LGSN: variants seen among roughly 807,000 people sequenced by gnomAD.
The protein encoded by LGSN is lengsin.
Under a neutral mutation model 19.5 loss-of-function variants are expected in LGSN, and 21 were observed. That is an observed-to-expected ratio of 1.07 (90% CI 0.76 to 1.55). The LOEUF (loss-of-function observed/expected upper bound fraction) is 1.55. LGSN is among the 40% of genes most tolerant of loss of function. The pLI is 0.00. For synonymous variants in LGSN, 257 were observed against 215.6 expected, an observed-to-expected ratio of 1.19 and a Z score of -1.68; for missense variants, 673 against 608.5, an observed-to-expected ratio of 1.11 and a Z score of -1.12.
the LGSN span, among the ~76,000 whole-genome samples, chr6:63,445,257 G>A: frequency 1.3e-5 from 2 of 152,172 alleles, no homozygotes; most frequent in African/African-American, 4.8e-5. Flanking sequence ...GTTGCAATGA[G>A]CAGAGATCGC....
the LGSN span, among the ~76,000 whole-genome samples, chr6:63,453,709 A>G: frequency 6.6e-4 from 101 of 152,164 alleles, no homozygotes; most frequent in African/African-American, 2.3e-3. Flanking sequence ...GCTGGAGTGC[A>G]GTGGCGGGAT....
At chr6:63,483,520 C>A in the LGSN span, among the ~76,000 whole-genome samples, 1 of 152,008 alleles carries the variant, frequency 6.6e-6, no homozygotes, top group Non-Finnish European at 1.5e-5. Context: ...CATGCACCAC[C>A]ACGCCCGGCT....
At chr6:63,342,498 G>A in the LGSN span, among the ~76,000 whole-genome samples, 1 of 152,188 alleles carries the variant, frequency 6.6e-6, no homozygotes, top group African/African-American at 2.4e-5. Context: ...AACATAGCAA[G>A]TAGTACACAT....
At chr6:63,300,027 C>G (rs1283817820) in intron 1 of LGSN, among the ~76,000 whole-genome samples, 10 of 152,148 alleles carry the variant, frequency 6.6e-5, no homozygotes. Flanking sequence ...TGATTTTGAG[C>G]CTTTGAATTC....
In LGSN at chr6:63,294,972, A is replaced by T; in HGVS notation, c.104T>A (p.Val35Asp). Residue 35 changes from valine (V) to aspartate (D), a missense_variant, in exon 2 of 4, where the codon GTC becomes GAC. Physicochemically the swap from Val to Asp is radical, Grantham distance 152. Coordinates refer to ENST00000370657, the MANE Select transcript of LGSN (RefSeq NM_016571.3). ...AGTTGAACAAACATATGGTTTAGTG[A>T]CTTTCTTCCTTGTCCTTCTTAATGT... ...MNTLRRTRKKVTKPYVCSTEV... is the reference protein window; with the variant it reads ...MNTLRRTRKKDTKPYVCSTEV... 1 of 1,613,712 alleles carries T rather than the reference A, an allele frequency of 6.2e-7. No individual in the cohort carries two copies. Among genetic ancestry groups the T allele is most frequent in the South Asian group, 1.1e-5 (1 of 91,074 alleles).
chr6:63,368,102 G>T, the LGSN span, among the ~76,000 whole-genome samples: 1 of 147,732 alleles, frequency 6.8e-6, no homozygotes, highest in South Asian at 2.1e-4. Flanking sequence ...AAATAAAAAA[G>T]AAAAAAAGAA....
chr6:63,386,532 T>A, the LGSN span, among the ~76,000 whole-genome samples: 1 of 152,230 alleles, frequency 6.6e-6, no homozygotes, highest in African/African-American at 2.4e-5. Context: ...TTGCATCACT[T>A]TTCGTCAGGT....
At chr6:63,478,712 T>G in the LGSN span, among the ~76,000 whole-genome samples, 1 of 152,214 alleles carries the variant, frequency 6.6e-6, no homozygotes. Flanking sequence ...TTAAACTTAT[T>G]TCCTCAAAGA....
At position 63,280,609 on chromosome 6, in the gene LGSN, C is replaced by T. The variant is rs778188447; in HGVS notation, c.942G>A (p.Leu314=). The T allele has an allele frequency of 6.8e-6, 11 of 1,613,952 alleles. No individual in the cohort carries two copies. The African/African-American group carries it at 1.5e-4, about 22-fold the overall frequency. The part of the protein sequence containing the change: ...IETGFCDSGI[L]SHSLWDVDRK... ...TATCGACATCCCAGAGACTATGAGA[C>T]AAAATCCCTGAATCACAAAATCCAG... is the stretch of plus-strand genomic sequence containing the variant. The change falls in exon 4 of 4, where the codon TTG becomes TTA. Residue 314 remains leucine, a synonymous_variant. Transcript: ENST00000370657.
the LGSN span, among the ~76,000 whole-genome samples, chr6:63,343,626 T>G: frequency 6.6e-6 from 1 of 152,062 alleles, no homozygotes; most frequent in Admixed American, 6.6e-5. Flanking sequence ...TTTTGCAAAA[T>G]ATGAATGGTT....
the LGSN span, among the ~76,000 whole-genome samples, chr6:63,546,498 G>A: frequency 3.9e-4 from 59 of 152,294 alleles, no homozygotes; most frequent in African/African-American, 1.3e-3. Context: ...TTGAGGCAAG[G>A]AGTTCGAGAC....
chr6:63,432,179 G>GAAAGAGAGGGAAAGAAAGA, the LGSN span, among the ~76,000 whole-genome samples: 3 of 113,560 alleles, frequency 2.6e-5, no homozygotes, highest in African/African-American at 1.0e-4. Context: ...GAAAAGGAAA[G>GAAAGAGAGGGAAAGAAAGA]AAAGAAAAGA....
the LGSN span, among the ~76,000 whole-genome samples, chr6:63,487,752 G>C: frequency 6.6e-6 from 1 of 152,260 alleles, no homozygotes; most frequent in African/African-American, 2.4e-5. Context: ...AGGCCGAGGT[G>C]GGCGGATCAC....
the LGSN span, among the ~76,000 whole-genome samples, chr6:63,389,697 C>T: frequency 1.3e-5 from 2 of 152,120 alleles, no homozygotes; most frequent in African/African-American, 4.8e-5. Flanking sequence ...AGTATGTAAG[C>T]CAGTGAGTAA....
chr6:63,523,740 TA>T, the LGSN span, among the ~76,000 whole-genome samples: 1 of 152,168 alleles, frequency 6.6e-6, no homozygotes, highest in African/African-American at 2.4e-5. Flanking sequence ...GCGATTTTTT[TA>T]AGCTCATCAG....
At chr6:63,439,920 T>G in the LGSN span, among the ~76,000 whole-genome samples, 2 of 152,256 alleles carry the variant, frequency 1.3e-5, no homozygotes, top group African/African-American at 4.8e-5. Context: ...TTTATACATC[T>G]CTTCTAGCTT....
the LGSN span, among the ~76,000 whole-genome samples, chr6:63,444,697 T>C: frequency 2.6e-5 from 4 of 152,210 alleles, no homozygotes; most frequent in Admixed American, 6.5e-5. Flanking sequence ...ACCGTTAACA[T>C]ATCTGCTCCT....
chr6:63,565,717 A>G, the LGSN span, among the ~76,000 whole-genome samples: 619 of 152,286 alleles, frequency 4.1e-3, 4 homozygotes, highest in Non-Finnish European at 6.2e-3. Context: ...TGACAAGCTT[A>G]TTTGCTCATT....
chr6:63,331,581 A>G, the LGSN span, among the ~76,000 whole-genome samples: 1 of 152,084 alleles, frequency 6.6e-6, no homozygotes, highest in South Asian at 2.1e-4. Flanking sequence ...AAGAATCCAC[A>G]ACGGTCCCTG....
Sources: allele counts gnomAD v4.1 joint callset (sites outside exome capture counted in the v4.1 genomes callset), GRCh38; gene constraint gnomAD v4.1.1; transcripts MANE v1.5; gene names NCBI Gene and HGNC (gene_info 2026-07-23, HGNC 2026-07-21).